The following TTC28 variants were observed in gnomAD, a reference collection of about 807,000 sequenced individuals.
The protein encoded by TTC28 is tetratricopeptide repeat protein 28.
Under a neutral mutation model 198.0 loss-of-function variants are expected in TTC28, and 61 were observed. The ratio of observed to expected loss-of-function variants is 0.31; its 90% confidence interval spans 0.25 to 0.38. TTC28 has a LOEUF of 0.38. Among genes scored for constraint, TTC28 ranks in the 10% least tolerant of loss-of-function variants. TTC28 has a pLI of 1.00. For missense variants in TTC28, 2,678 were observed against 3,164.0 expected (o/e 0.85, Z 3.69); for synonymous variants, 1,171 against 1,297.8 (o/e 0.90, Z 2.10).
At chr22:28,551,124 T>C (rs2049663618) in intron 2 of TTC28, among the ~76,000 whole-genome samples, 1 of 152,020 alleles carries the variant, frequency 6.6e-6, no homozygotes, top group Non-Finnish European at 1.5e-5. Flanking sequence ...GGGACTTTAC[T>C]ACTCCAGGAG....
chr22:28,533,556 C>A (rs889080552), intron 2 of TTC28, among the ~76,000 whole-genome samples: 4 of 151,744 alleles, frequency 2.6e-5, no homozygotes, highest in African/African-American at 9.7e-5. Context: ...TGGAAAAAAA[C>A]TTCTTTAAAG....
At chr22:28,135,935 A>G (rs1439700488) in intron 6 of TTC28, among the ~76,000 whole-genome samples, 1 of 152,226 alleles carries the variant, frequency 6.6e-6, no homozygotes, top group East Asian at 1.9e-4. Context: ...GAATGTACAT[A>G]TTATAAAGCA....
At chr22:28,177,213 T>C (rs1923242030) in intron 5 of TTC28, among the ~76,000 whole-genome samples, 1 of 152,166 alleles carries the variant, frequency 6.6e-6, no homozygotes, top group Non-Finnish European at 1.5e-5. Flanking sequence ...AGACAGCTCA[T>C]TAGAGAAGAT....
chr22:28,557,047 TGTGA>T (rs1162708683), intron 2 of TTC28, among the ~76,000 whole-genome samples: 1 of 152,176 alleles, frequency 6.6e-6, no homozygotes, highest in Non-Finnish European at 1.5e-5. Flanking sequence ...CCCCATTAAG[TGTGA>T]GTGAGGACAA....
chr22:28,211,502 C>T (rs933163983), intron 5 of TTC28, among the ~76,000 whole-genome samples: 38 of 152,236 alleles, frequency 2.5e-4, no homozygotes, highest in Admixed American at 2.0e-3. Context: ...ATAAAACAGA[C>T]TTTAAATAAA....
chr22:27,999,285 A>G, intron 15 of TTC28, 25 bp from the exon 16 acceptor site: 1 of 1,524,672 alleles, frequency 6.6e-7, no homozygotes. Context: ...GACAAAGCAG[A>G]CCACCCGTCA....
chr22:28,479,816 A>C (rs968397957), intron 2 of TTC28, among the ~76,000 whole-genome samples: 2 of 152,076 alleles, frequency 1.3e-5, no homozygotes, highest in African/African-American at 2.4e-5. Flanking sequence ...TTCTCAATTT[A>C]TCTCTCCTTT....
At chr22:28,567,177 T>G (rs894204032) in intron 2 of TTC28, among the ~76,000 whole-genome samples, 19 of 147,710 alleles carry the variant, frequency 1.3e-4, no homozygotes, top group Non-Finnish European at 1.3e-4. Flanking sequence ...ATTGTGCCAT[T>G]GCACTCTGGC....
Position 28,163,216 on chromosome 22 carries a change from T to C in TTC28, c.1317A>G (p.Gly439=). The C allele has an allele frequency of 5.8e-6, 9 of 1,551,748 alleles. No homozygotes were observed. The highest frequency in any genetic ancestry group is 7.8e-6 in the Non-Finnish European group (9 of 1,147,024). ...GCATGCACCTGGCAGCATGGCCTAG[T>C]CCAGCATAGGCCCGCATCTCAATAG... ...EKAIEMRAYA[G]LGHAARCMQD... Residue 439 remains glycine, a synonymous_variant, in exon 6 of 23, where the codon GGA becomes GGG. Coordinates refer to ENST00000397906, the MANE Select transcript of TTC28 (RefSeq NM_001145418.2).
intron 6 of TTC28, among the ~76,000 whole-genome samples, chr22:28,129,629 T>C (rs969598198): frequency 6.6e-6 from 1 of 152,176 alleles, no homozygotes; most frequent in Non-Finnish European, 1.5e-5. Flanking sequence ...AATACTTAGG[T>C]AGAGTGCCTG....
intron 12 of TTC28, among the ~76,000 whole-genome samples, chr22:28,039,190 A>G (rs1601547624): frequency 1.3e-5 from 2 of 152,222 alleles, no homozygotes; most frequent in African/African-American, 2.4e-5. Context: ...AAAGGATTAT[A>G]AAACATGCTG....
At chr22:28,410,741 T>A (rs2047068261) in intron 2 of TTC28, among the ~76,000 whole-genome samples, 1 of 152,174 alleles carries the variant, frequency 6.6e-6, no homozygotes, top group Non-Finnish European at 1.5e-5. Context: ...AGAAAGATAT[T>A]TAAATGATGA....
At chr22:28,391,859 G>A (rs7511323) in intron 2 of TTC28, among the ~76,000 whole-genome samples, 2,021 of 152,236 alleles carry the variant, frequency 0.013, 53 homozygotes, top group African/African-American at 0.046. Context: ...GTCATTCTCC[G>A]TCCAGCTTTG....
At chr22:28,343,189 G>C (rs761593330) in intron 2 of TTC28, among the ~76,000 whole-genome samples, 1 of 152,030 alleles carries the variant, frequency 6.6e-6, no homozygotes, top group African/African-American at 2.4e-5. Flanking sequence ...ACACAACGGA[G>C]ATTAGACAGA....
intron 5 of TTC28, among the ~76,000 whole-genome samples, chr22:28,214,357 G>A (rs1927194781): frequency 6.6e-6 from 1 of 152,066 alleles, no homozygotes; most frequent in Admixed American, 6.5e-5. Flanking sequence ...CTACAGAAAG[G>A]GAGAAAATTT....
intron 2 of TTC28, among the ~76,000 whole-genome samples, chr22:28,574,353 TTGTGTGTG>T (rs145439302): frequency 2.7e-5 from 4 of 148,632 alleles, no homozygotes; most frequent in African/African-American, 4.9e-5. Context: ...ACTCCACTGT[TTGTGTGTG>T]TGTGTGTGTG....
chr22:28,530,127 G>A (rs2049100219), intron 2 of TTC28, among the ~76,000 whole-genome samples: 1 of 152,154 alleles, frequency 6.6e-6, no homozygotes, highest in South Asian at 2.1e-4. Context: ...AAAGGAGGAT[G>A]TTCGAAACCA....
intron 2 of TTC28, among the ~76,000 whole-genome samples, chr22:28,519,298 T>A (rs2067209787): frequency 6.6e-6 from 1 of 152,178 alleles, no homozygotes; most frequent in Admixed American, 6.5e-5. Context: ...GCACTTCAAT[T>A]TTGCTTTGGT....
At chr22:28,424,679 T>C (rs2047319632) in intron 2 of TTC28, among the ~76,000 whole-genome samples, 1 of 152,244 alleles carries the variant, frequency 6.6e-6, no homozygotes, top group African/African-American at 2.4e-5. Flanking sequence ...TATGAGGTCA[T>C]TTCTCACCTC....
Sources: allele counts gnomAD v4.1 joint callset (sites outside exome capture counted in the v4.1 genomes callset), GRCh38; gene constraint gnomAD v4.1.1; transcripts MANE v1.5; gene names NCBI Gene and HGNC (gene_info 2026-07-23, HGNC 2026-07-21).